Variants in TMEM163 observed in about 807,000 individuals in gnomAD.
TMEM163 encodes the protein transmembrane protein 163.
Under a neutral mutation model 29.3 loss-of-function variants are expected in TMEM163, and 17 were observed. The observed-to-expected ratio is 0.58, with a 90% CI of 0.40 to 0.87. The LOEUF is 0.87. TMEM163 is among the 40% of genes least tolerant of loss of function. TMEM163 has a pLI of 0.00. For missense variants in TMEM163, 303 were observed against 381.5 expected, an observed-to-expected ratio of 0.79 and a Z score of 1.71; for synonymous variants, 157 against 160.6, an observed-to-expected ratio of 0.98 and a Z score of 0.17.
intron 2 of TMEM163, among the ~76,000 whole-genome samples, chr2:134,614,383 TTTTTCTAATATTTCTAA>T (rs1296764059): frequency 2.6e-5 from 4 of 152,112 alleles, no homozygotes; most frequent in Admixed American, 6.5e-5. Flanking sequence ...TATTTTCTAA[TTTTTCTAATATTTCTAA>T]TTTTCTAATA....
rs140354364 is a variant in TMEM163, at chr2:134,658,742, C to T, written c.322+54458G>A. 6.4e-4 allele frequency among the ~76,000 whole-genome samples: 97 copies of T among 152,072 alleles called. 2 individuals are homozygous for T. In the East Asian group the frequency reaches 0.013, roughly 20 times the overall value. On this transcript the variant is annotated intron_variant, in intron 2 of 7. Transcript: ENST00000281924. ...CCTCCTAAGTAGCTGGGACTACAGGCGCCCGCCACAATGCCTGGCTAATTT... is the reference window on the plus strand; with the variant it reads ...CCTCCTAAGTAGCTGGGACTACAGGTGCCCGCCACAATGCCTGGCTAATTT...
intron 6 of TMEM163, among the ~76,000 whole-genome samples, chr2:134,465,439 A>C (rs1013178354): frequency 2.6e-5 from 4 of 152,196 alleles, no homozygotes; most frequent in Non-Finnish European, 5.9e-5. Context: ...CCCAGGAATA[A>C]ATCAAAGCAA....
At chr2:134,598,781 A>G (rs1818614) in intron 2 of TMEM163, among the ~76,000 whole-genome samples, 96,390 of 151,486 alleles carry the variant, frequency 0.64, 31,983 homozygotes, top group African/African-American at 0.78. Context: ...TTATCCAGGT[A>G]TGGTGGCTCA....
intron 2 of TMEM163, among the ~76,000 whole-genome samples, chr2:134,703,884 G>A (rs1434601705): frequency 6.6e-6 from 1 of 150,498 alleles, no homozygotes; most frequent in Non-Finnish European, 1.5e-5. Context: ...TCTTTATTTG[G>A]TTATTCTCCA....
chr2:134,473,535 C>CAA (rs59806390), intron 5 of TMEM163, among the ~76,000 whole-genome samples: 3,653 of 103,840 alleles, frequency 0.035, 138 homozygotes, highest in African/African-American at 0.092. Context: ...AACTCTGTCT[C>CAA]AAAAAAAAAA....
At chr2:134,705,955 G>A (rs1036004588) in intron 2 of TMEM163, among the ~76,000 whole-genome samples, 6 of 152,202 alleles carry the variant, frequency 3.9e-5, no homozygotes, top group Admixed American at 2.0e-4. Context: ...TCACCGCCAC[G>A]GCTGTGCGAC....
At chr2:134,483,146 G>GCTT (rs1302928989) in intron 5 of TMEM163, among the ~76,000 whole-genome samples, 1 of 152,194 alleles carries the variant, frequency 6.6e-6, no homozygotes, top group African/African-American at 2.4e-5. Context: ...ACATAGCCCA[G>GCTT]CTTCTGGTCA....
chr2:134,650,297 ATAACTT>A (rs1341215777), intron 2 of TMEM163, among the ~76,000 whole-genome samples: 4 of 152,078 alleles, frequency 2.6e-5, no homozygotes, highest in Non-Finnish European at 5.9e-5. Context: ...TTTAACATAA[ATAACTT>A]TTTACTTAAA....
chr2:134,508,869 C>T (rs973597638), intron 4 of TMEM163, among the ~76,000 whole-genome samples: 1 of 152,118 alleles, frequency 6.6e-6, no homozygotes, highest in Admixed American at 6.5e-5. Flanking sequence ...CAGGGACAGT[C>T]ACTCAGACCA....
At chr2:134,684,753 A>G (rs544056631) in intron 2 of TMEM163, among the ~76,000 whole-genome samples, 25 of 152,018 alleles carry the variant, frequency 1.6e-4, no homozygotes, top group Non-Finnish European at 3.1e-4. Flanking sequence ...GTGAAACTCC[A>G]TCTCTACTAA....
chr2:134,664,869 T>C (rs916707695), intron 2 of TMEM163, among the ~76,000 whole-genome samples: 2 of 152,110 alleles, frequency 1.3e-5, no homozygotes, highest in African/African-American at 2.4e-5. Context: ...GGGTTTTTTT[T>C]TGTTTTGTTT....
chr2:134,551,995 G>C, intron 3 of TMEM163, 53 bp downstream of exon 3: 1 of 1,525,130 alleles, frequency 6.6e-7, no homozygotes, highest in South Asian at 1.1e-5. Flanking sequence ...GAGGTTTATG[G>C]GCTTATGAAA....
At chr2:134,517,061 C>T (rs895151031) in intron 4 of TMEM163, among the ~76,000 whole-genome samples, 1 of 151,802 alleles carries the variant, frequency 6.6e-6, no homozygotes, top group Non-Finnish European at 1.5e-5. Context: ...CACCCACCCC[C>T]GCCAAAAAAA....
intron 2 of TMEM163, among the ~76,000 whole-genome samples, chr2:134,561,512 A>G (rs1681183377): frequency 6.6e-6 from 1 of 150,634 alleles, no homozygotes; most frequent in Admixed American, 6.6e-5. Context: ...ACGCCCGGCT[A>G]ATTTTTTTTG....
intron 2 of TMEM163, among the ~76,000 whole-genome samples, chr2:134,691,811 C>T (rs1202523067): frequency 1.3e-5 from 2 of 152,218 alleles, no homozygotes; most frequent in Admixed American, 6.5e-5. Flanking sequence ...CATGTAACAT[C>T]GCTGGTCACA....
chr2:134,671,805 C>G (rs1416997040), intron 2 of TMEM163, among the ~76,000 whole-genome samples: 1 of 152,188 alleles, frequency 6.6e-6, no homozygotes, highest in African/African-American at 2.4e-5. Context: ...CAAATCCTAG[C>G]TCCACCCCTC....
chr2:134,515,834 T>C (rs2106492797), intron 4 of TMEM163, among the ~76,000 whole-genome samples: 1 of 152,358 alleles, frequency 6.6e-6, no homozygotes, highest in Non-Finnish European at 1.5e-5. Context: ...TGTTCCCTTC[T>C]ACTTTTCTGT....
chr2:134,715,904 A>T lies in TMEM163; in HGVS notation c.203-2585T>A, dbSNP rs557023244. On this transcript the variant is annotated intron_variant, in intron 1 of 7. Transcript: ENST00000281924. The stretch of plus-strand genomic sequence containing the variant: ...AACTCACTCAAATTTCATAATTTGC[A>T]ATTTTGGCCTGGGAATACTAAGCAT... 2.0e-5 allele frequency among the ~76,000 whole-genome samples: 3 copies of T among 152,276 alleles called. No individual in the cohort carries two copies. In the South Asian group the frequency reaches 6.2e-4, roughly 32 times the overall value.
chr2:134,513,538 G>A (rs1679994266), intron 4 of TMEM163, among the ~76,000 whole-genome samples: 1 of 152,178 alleles, frequency 6.6e-6, no homozygotes, highest in African/African-American at 2.4e-5. Flanking sequence ...TGCTAATAAG[G>A]TAAGCTGTAT....
Sources: gnomAD v4.1 joint callset for allele counts (sites outside exome capture counted in the v4.1 genomes callset) on GRCh38, gnomAD v4.1.1 for gene constraint, MANE v1.5 for transcripts, NCBI Gene and HGNC (gene_info 2026-07-23, HGNC 2026-07-21) for gene names.